Variants in GTF2I observed in about 807,000 individuals in gnomAD.
GTF2I encodes general transcription factor II-I.
GTF2I carries 12 observed loss-of-function variants against 67.6 expected under a neutral mutation model. That is an observed-to-expected ratio of 0.18 (90% CI 0.11 to 0.29). The LOEUF (loss-of-function observed/expected upper bound fraction) is 0.29. Ranked by LOEUF, GTF2I falls within the 10% of genes least tolerant of loss-of-function variation. GTF2I has a pLI of 1.00. For missense variants in GTF2I, 271 were observed against 580.1 expected (o/e 0.47, Z 5.47); for synonymous variants, 149 against 197.0 (o/e 0.76, Z 2.04).
chr7:74,702,815 C>T (rs904152051), intron 6 of GTF2I, among the ~76,000 whole-genome samples: 1 of 151,432 alleles, frequency 6.6e-6, no homozygotes, highest in Non-Finnish European at 1.5e-5. Flanking sequence ...CTTAGTGCAG[C>T]CTCAACCTCC....
chr7:74,732,166 CACATAT>C (rs1266877160), intron 14 of GTF2I, among the ~76,000 whole-genome samples: 3 of 145,768 alleles, frequency 2.1e-5, no homozygotes, highest in Non-Finnish European at 4.5e-5. Flanking sequence ...TATACATAAA[CACATAT>C]ACATATATAT....
intron 12 of GTF2I, among the ~76,000 whole-genome samples, chr7:74,719,418 A>G (rs1429721266): frequency 2.0e-5 from 3 of 152,190 alleles, no homozygotes; most frequent in Non-Finnish European, 4.4e-5. Context: ...TTTATCTTTC[A>G]AAACTGTTTT....
intron 9 of GTF2I, among the ~76,000 whole-genome samples, chr7:74,711,342 G>C (rs1791520502): frequency 2.0e-5 from 3 of 152,160 alleles, no homozygotes; most frequent in Admixed American, 2.0e-4. Flanking sequence ...AAAAGGATGA[G>C]CAAAAGTTGT....
chr7:74,700,010 C>T, intron 4 of GTF2I: 1 of 441,902 alleles, frequency 2.3e-6, no homozygotes, highest in Non-Finnish European at 4.0e-6. Context: ...ATTGCTCTCT[C>T]TATGTGTTTT....
At chr7:74,700,220 T>A (rs1554399469) in intron 4 of GTF2I, 27 bp from the exon 5 acceptor site, 1 of 1,606,816 alleles carries the variant, frequency 6.2e-7, no homozygotes, top group Non-Finnish European at 8.5e-7. Context: ...CATTGAATGA[T>A]GTTCATCCGC....
intron 10 of GTF2I, 27 bp downstream of exon 10, chr7:74,714,943 C>G (rs1554403357): frequency 7.0e-7 from 1 of 1,422,318 alleles, no homozygotes; most frequent in South Asian, 1.2e-5. Context: ...TCCATTCTCC[C>G]ACATACTGCT....
chr7:74,688,813 C>A, intron 1 of GTF2I: 1 of 286,554 alleles, frequency 3.5e-6, no homozygotes, highest in Non-Finnish European at 6.6e-6. Flanking sequence ...CGTCACTGGG[C>A]TGTAAAGTGC....
At chr7:74,707,744 C>T (rs1311187477) in intron 8 of GTF2I, among the ~76,000 whole-genome samples, 1 of 151,988 alleles carries the variant, frequency 6.6e-6, no homozygotes, top group Non-Finnish European at 1.5e-5. Flanking sequence ...AAATGTTTCC[C>T]CTTAATTCAT....
intron 12 of GTF2I, among the ~76,000 whole-genome samples, chr7:74,723,793 AAG>A (rs1424591071): frequency 5.3e-5 from 8 of 151,962 alleles, no homozygotes; most frequent in African/African-American, 1.7e-4. Context: ...TTTTGCAAAT[AAG>A]AGTGACACTT....
At chr7:74,709,135 T>C (rs1017209856) in intron 8 of GTF2I, among the ~76,000 whole-genome samples, 2 of 152,218 alleles carry the variant, frequency 1.3e-5, no homozygotes, top group African/African-American at 2.4e-5. Flanking sequence ...TATGCAAGCA[T>C]ATAATCTTCA....
In GTF2I at chr7:74,689,173, G is replaced by C; in HGVS notation, c.45G>C (p.Glu15Asp). The part of the protein sequence containing the change: ...AMSTLPVEDE[E>D]SSESRMVVTF... ...CCACCCTCCCCGTTGAAGATGAGGA[G>C]TCCTCGGAGAGCAGGATGGTGGTGA... The change falls in exon 2 of 35, where the codon GAG becomes GAC. Residue 15 changes from glutamate to aspartate, a missense_variant. Glu to Asp is a conservative substitution (Grantham distance 45). This residue lies in a region of GTF2I where 17 missense variants were observed against 18.2 expected (regional missense o/e 0.94). Transcript: ENST00000573035. The C allele has an allele frequency of 6.2e-7, 1 of 1,613,152 alleles. No individual in the cohort carries two copies. The highest frequency in any genetic ancestry group is 8.5e-7 in the Non-Finnish European group (1 of 1,179,308).
intron 6 of GTF2I, among the ~76,000 whole-genome samples, chr7:74,702,643 A>G (rs2131350916): frequency 6.6e-6 from 1 of 152,202 alleles, no homozygotes; most frequent in South Asian, 2.1e-4. Flanking sequence ...GATTTTAGCC[A>G]TTGTAATAGA....
intron 7 of GTF2I, among the ~76,000 whole-genome samples, chr7:74,706,064 T>C (rs1554401320): frequency 1.3e-5 from 2 of 151,250 alleles, no homozygotes; most frequent in African/African-American, 4.9e-5. Context: ...GTGATTCAGG[T>C]GAGCGCCACC....
At chr7:74,658,383 G>A (rs1554384668) in intron 1 of GTF2I, among the ~76,000 whole-genome samples, 1 of 146,220 alleles carries the variant, frequency 6.8e-6, no homozygotes, top group Non-Finnish European at 1.5e-5. Flanking sequence ...GCGCGTGGGG[G>A]AGGGGCGCGC....
chr7:74,725,987 G>C (rs1184572420), intron 12 of GTF2I, among the ~76,000 whole-genome samples: 3 of 151,968 alleles, frequency 2.0e-5, no homozygotes, highest in African/African-American at 7.3e-5. Flanking sequence ...CCCTTCCCCT[G>C]GGCCTCAGCT....
At chr7:74,723,317 C>T (rs1439646695) in intron 12 of GTF2I, among the ~76,000 whole-genome samples, 1 of 150,892 alleles carries the variant, frequency 6.6e-6, no homozygotes, top group Non-Finnish European at 1.5e-5. Context: ...TTAGTAGAGA[C>T]GGGGTTTCAC....
chr7:74,698,828 G>T (rs1174557258), intron 3 of GTF2I, 133 bp from the exon 4 acceptor site: 7 of 376,762 alleles, frequency 1.9e-5, no homozygotes, highest in Non-Finnish European at 2.8e-5. Flanking sequence ...GTTTTTTCCT[G>T]TTAGAATACA....
At chr7:74,665,205 G>A (rs978009407) in intron 1 of GTF2I, among the ~76,000 whole-genome samples, 2 of 151,740 alleles carry the variant, frequency 1.3e-5, no homozygotes, top group Non-Finnish European at 2.9e-5. Flanking sequence ...GCCTCCCAAA[G>A]TGCTGGGATT....
intron 1 of GTF2I, among the ~76,000 whole-genome samples, chr7:74,679,230 C>G (rs587734922): frequency 2.0e-5 from 3 of 151,802 alleles, no homozygotes; most frequent in Non-Finnish European, 4.4e-5. Flanking sequence ...AGGCGCCCAC[C>G]ACACCCAGCT....
Sources: gnomAD v4.1 joint callset for allele counts (sites outside exome capture counted in the v4.1 genomes callset) on GRCh38, gnomAD v4.1.1 for gene constraint, gnomAD v4.1.1 regional missense constraint, MANE v1.5 for transcripts, NCBI Gene and HGNC (gene_info 2026-07-23, HGNC 2026-07-21) for gene names.